PCM1: variants seen among roughly 807,000 people sequenced by gnomAD.
PCM1 encodes the protein pericentriolar material 1.
In PCM1, 157 loss-of-function variants were observed where a neutral mutation model predicts 241.9. That is an observed-to-expected ratio of 0.65 (90% CI 0.57 to 0.74). The LOEUF (loss-of-function observed/expected upper bound fraction) is 0.74. Among genes scored for constraint, PCM1 ranks in the 30% least tolerant of loss-of-function variants. The probability of loss-of-function intolerance (pLI) is 0.00; values close to 1 mark genes in which losing one functional copy is unlikely to be tolerated. For synonymous variants in PCM1, 1,085 were observed against 784.9 expected (o/e 1.38, Z -6.39); for missense variants, 3,478 against 2,360.1 (o/e 1.47, Z -9.81).
Position 17,956,680 on chromosome 8 carries a change from A to T in PCM1, c.1549A>T (p.Met517Leu). 3 of 1,601,102 alleles carry T rather than the reference A, an allele frequency of 1.9e-6. No individual in the cohort carries two copies. Among genetic ancestry groups the T allele is most frequent in the Non-Finnish European group, 2.6e-6 (3 of 1,170,300 alleles). ...TTATTATGAACAAACGTCAGACATG[A>T]TGACAGATGCTGTGAATGAAAACAG... The part of the protein sequence containing the change: ...VHYYEQTSDM[M>L]TDAVNENRKD... Residue 517 changes from methionine to leucine, a missense_variant, in exon 11 of 39, where the codon ATG becomes TTG. Physicochemically the swap from Met to Leu is conservative, Grantham distance 15. Coordinates refer to ENST00000325083, the MANE Select transcript of PCM1 (RefSeq NM_006197.4).
At position 17,957,804 on chromosome 8, in the gene PCM1, T is replaced by A. The variant is rs376367921; in HGVS notation, c.2040+29T>A. On this transcript the variant is annotated intron_variant, in intron 13 of 38. Transcript: ENST00000325083. ...AATATTGCTTGGTCTTTTAAAAACC[T>A]ATTTGTCAAATAGTACAGTCTTAAG... 6.1e-6 allele frequency: 9 copies of A among 1,475,050 alleles called. No homozygotes were observed. In the African/African-American group the frequency reaches 1.2e-4, roughly 20 times the overall value. The allele number at this position is 1,475,050 out of a possible 1,614,324, so 91.4% of individuals were successfully genotyped here.
chr8:17,940,672 G>A (rs118076827), intron 6 of PCM1, among the ~76,000 whole-genome samples: 2,568 of 152,252 alleles, frequency 0.017, 39 homozygotes, highest in South Asian at 0.043. Context: ...GGACAGGATA[G>A]CATTTACATT....
intron 11 of PCM1, 71 bp downstream of exon 11, chr8:17,956,848 A>C: frequency 1.7e-6 from 2 of 1,211,184 alleles, no homozygotes; most frequent in Non-Finnish European, 2.4e-6. Flanking sequence ...TGGGAACAAA[A>C]ATACTTCGTT....
chr8:17,956,569 G>T, intron 10 of PCM1, 35 bp from the exon 11 acceptor site: 1 of 1,325,932 alleles, frequency 7.5e-7, no homozygotes, highest in Non-Finnish European at 1.1e-6. Context: ...GCTAAAATGG[G>T]TGTAAATCGT....
At position 18,029,191 on chromosome 8, in the gene PCM1, GC is replaced by G. The variant is rs1201457259; in HGVS notation, c.*1530del. 1 of 175,458 alleles carries G rather than the reference GC, an allele frequency of 5.7e-6. No individual in the cohort carries two copies. Among genetic ancestry groups the G allele is most frequent in the African/African-American group, 2.5e-5 (1 of 40,102 alleles). 10.9% of individuals were successfully genotyped at this position (175,458 alleles called of 1,614,324 possible). ...AAAAAAAAAAAAAAAAAGTTAACTTGCTGTATACCTCAGTGTAATGTCCATT... is the reference window on the plus strand; with the variant it reads ...AAAAAAAAAAAAAAAAAGTTAACTTGTGTATACCTCAGTGTAATGTCCATT... On this transcript the variant is annotated 3_prime_UTR_variant, in exon 39 of 39. Coordinates refer to ENST00000325083, the MANE Select transcript of PCM1 (RefSeq NM_006197.4).
intron 36 of PCM1, among the ~76,000 whole-genome samples, chr8:18,017,834 C>G (rs745989605): frequency 5.9e-5 from 9 of 151,602 alleles, no homozygotes; most frequent in African/African-American, 2.2e-4. Flanking sequence ...GCCTGGGCAA[C>G]AAGAGCAAAA....
At chr8:17,970,590 A>G (rs979184642) in intron 22 of PCM1, among the ~76,000 whole-genome samples, 13 of 152,184 alleles carry the variant, frequency 8.5e-5, no homozygotes, top group Admixed American at 5.9e-4. Context: ...CTATAAAGGT[A>G]TTCTGTTGTC....
chr8:18,017,594 C>T (rs1381008249), intron 36 of PCM1, among the ~76,000 whole-genome samples: 1 of 152,202 alleles, frequency 6.6e-6, no homozygotes, highest in Non-Finnish European at 1.5e-5. Flanking sequence ...TGGTTCATGC[C>T]TGTAATCCCA....
chr8:17,957,859 T>C (rs1390206606), intron 13 of PCM1, 84 bp downstream of exon 13: 1 of 871,852 alleles, frequency 1.1e-6, no homozygotes, highest in Non-Finnish European at 1.8e-6. Flanking sequence ...TTACTTTGGT[T>C]TAATTATACT....
intron 36 of PCM1, among the ~76,000 whole-genome samples, chr8:18,020,577 T>C (rs1441299758): frequency 2.0e-5 from 3 of 152,192 alleles, no homozygotes; most frequent in East Asian, 1.9e-4. Context: ...CATTGACTTA[T>C]GGAAAACTTC....
At chr8:17,965,729 A>C (rs930084487) in intron 18 of PCM1, among the ~76,000 whole-genome samples, 6 of 152,224 alleles carry the variant, frequency 3.9e-5, no homozygotes, top group Non-Finnish European at 8.8e-5. Flanking sequence ...CTTGTGACAT[A>C]ATAAATATTT....
intron 34 of PCM1, chr8:18,013,744 TATA>T (rs951167512): frequency 4.2e-6 from 2 of 480,822 alleles, no homozygotes; most frequent in Admixed American, 4.2e-5. Flanking sequence ...CCAGTTGTAT[TATA>T]CTGTGTGTGT....
rs998429378 is a variant in PCM1 at position 17,924,727 on chromosome 8, G to C, written c.-76G>C. ...ATCCTAATTAGGAAACAGCTTTGAA[G>C]TGTGGAGCGGGAAAGGAGCAGTTTC... is the stretch of plus-strand genomic sequence containing the variant. On this transcript the variant is annotated 5_prime_UTR_variant, in exon 2 of 39. Transcript: ENST00000325083. 2.6e-5 allele frequency: 4 copies of C among 152,186 alleles called. No individual in the cohort carries two copies. The highest frequency in any genetic ancestry group is 5.9e-5 in the Non-Finnish European group (4 of 68,030). 9.4% of individuals were successfully genotyped at this position (152,186 alleles called of 1,614,324 possible).
At chr8:18,001,146 G>C (rs1428612814) in intron 29 of PCM1, among the ~76,000 whole-genome samples, 2 of 152,226 alleles carry the variant, frequency 1.3e-5, no homozygotes. Context: ...AGCGGAGCCA[G>C]GGTTGACCAA....
At chr8:17,967,771 A>C (rs1386403818) in intron 21 of PCM1, among the ~76,000 whole-genome samples, 1 of 152,240 alleles carries the variant, frequency 6.6e-6, no homozygotes, top group African/African-American at 2.4e-5. Flanking sequence ...GTAAAGATGA[A>C]TAAGACAGTG....
rs1285718613 is a variant in PCM1 at position 18,014,764 on chromosome 8, A to G, written c.5765A>G (p.Lys1922Arg). The G allele has an allele frequency of 6.2e-7, 1 of 1,611,900 alleles. No individual in the cohort carries two copies. Among genetic ancestry groups the G allele is most frequent in the East Asian group, 2.2e-5 (1 of 44,842 alleles). The change falls in exon 36 of 39, where the codon AAA becomes AGA. Residue 1922 changes from lysine (K) to arginine (R), a missense_variant. Physicochemically the swap from Lys to Arg is conservative, Grantham distance 26. Coordinates refer to ENST00000325083, the MANE Select transcript of PCM1 (RefSeq NM_006197.4). ...EPLVPRVKEV[K>R]SAQETPESSL... Reference sequence around the variant, plus strand: ...TTAGTGCCTAGAGTCAAAGAAGTTAAATCTGCTCAGGAAACTCCTGAAAGC... The same window carrying G: ...TTAGTGCCTAGAGTCAAAGAAGTTAGATCTGCTCAGGAAACTCCTGAAAGC...
chr8:17,948,156 T>C (rs1397785604), intron 7 of PCM1, among the ~76,000 whole-genome samples: 1 of 152,126 alleles, frequency 6.6e-6, no homozygotes, highest in Non-Finnish European at 1.5e-5. Context: ...GTGAGTTAGG[T>C]TCTCACTGAG....
At chr8:17,950,517 T>C in intron 7 of PCM1, 98 bp from the exon 8 acceptor site, 1 of 676,212 alleles carries the variant, frequency 1.5e-6, no homozygotes, top group South Asian at 1.9e-5. Context: ...GTATGTGAGC[T>C]TTTTAAATTC....
chr8:17,951,399 T>G (rs1489991954), intron 8 of PCM1, among the ~76,000 whole-genome samples: 1 of 152,236 alleles, frequency 6.6e-6, no homozygotes, highest in Admixed American at 6.5e-5. Flanking sequence ...AGTAAATTTC[T>G]TCTGGTAGAC....
Sources: allele counts gnomAD v4.1 joint callset (sites outside exome capture counted in the v4.1 genomes callset), GRCh38; gene constraint gnomAD v4.1.1; transcripts MANE v1.5; gene names NCBI Gene and HGNC (gene_info 2026-07-23, HGNC 2026-07-21).